Variants in SPIDR observed in about 807,000 individuals in gnomAD.
SPIDR encodes the protein scaffold protein involved in DNA repair.
A neutral mutation model predicts 104.6 loss-of-function variants in SPIDR; 93 were observed. The observed-to-expected ratio is 0.89, with a 90% CI of 0.75 to 1.06. The LOEUF is 1.06. Among genes scored for constraint, SPIDR ranks in the 50% least tolerant of loss-of-function variants. The pLI, the probability that SPIDR is intolerant of heterozygous loss-of-function variation, is 0.00. For synonymous variants in SPIDR, 431 were observed against 416.9 expected (o/e 1.03, Z -0.41); for missense variants, 1,154 against 1,111.2 (o/e 1.04, Z -0.55).
intron 6 of SPIDR, among the ~76,000 whole-genome samples, chr8:47,405,321 T>A (rs1238362157): frequency 6.6e-6 from 1 of 151,586 alleles, no homozygotes; most frequent in Non-Finnish European, 1.5e-5. Flanking sequence ...TGTGTGTGTG[T>A]GTATATATGT....
chr8:47,553,822 G>C (rs2090937769), intron 8 of SPIDR, among the ~76,000 whole-genome samples: 1 of 152,186 alleles, frequency 6.6e-6, no homozygotes, highest in Non-Finnish European at 1.5e-5. Flanking sequence ...GAGGAGAAGA[G>C]GCACTCTGAT....
intron 8 of SPIDR, among the ~76,000 whole-genome samples, chr8:47,489,619 A>G (rs2078317909): frequency 6.6e-6 from 1 of 152,226 alleles, no homozygotes; most frequent in Non-Finnish European, 1.5e-5. Flanking sequence ...AGGCTACAGT[A>G]ACCAAAACAG....
At chr8:47,286,396 G>A (rs1554563282) in intron 3 of SPIDR, among the ~76,000 whole-genome samples, 1,757 of 152,210 alleles carry the variant, frequency 0.012, 20 homozygotes, top group Non-Finnish European at 0.016. Flanking sequence ...AACATAAAGG[G>A]AAAAACAGCA....
At chr8:47,349,200 A>T (rs1260486597) in intron 5 of SPIDR, among the ~76,000 whole-genome samples, 1 of 152,232 alleles carries the variant, frequency 6.6e-6, no homozygotes, top group African/African-American at 2.4e-5. Context: ...TCCTTCTAAC[A>T]GGACCCTCAG....
chr8:47,312,257 A>G (rs1179846630), intron 5 of SPIDR, among the ~76,000 whole-genome samples: 6 of 152,104 alleles, frequency 3.9e-5, no homozygotes, highest in African/African-American at 1.4e-4. Context: ...GCTGGGTCAA[A>G]TGGTATTTCT....
Position 47,575,641 on chromosome 8 carries a change from C to G in SPIDR, c.1098-20170C>G, listed in dbSNP as rs796979030. On this transcript the variant is annotated intron_variant, in intron 8 of 19. Transcript: ENST00000297423. The stretch of plus-strand genomic sequence containing the variant: ...CAGCCTGGGCGACAGAGAGAGACTC[C>G]GTCTCAAAAAAAAAAAAAAAAAGAA... Among the ~76,000 whole-genome samples, 476 of 120,896 alleles carry G rather than the reference C, an allele frequency of 3.9e-3. 1 individual carries two copies. The highest frequency in any genetic ancestry group is 0.02 in the South Asian group (77 of 3,786). 79.3% of individuals were successfully genotyped at this position (120,896 alleles called of 152,430 possible).
chr8:47,538,382 A>G (rs1420494683), intron 8 of SPIDR, among the ~76,000 whole-genome samples: 1 of 151,868 alleles, frequency 6.6e-6, no homozygotes. Context: ...CGTCTCTACT[A>G]AAATACAAAA....
Position 47,414,106 on chromosome 8 carries a change from C to G in SPIDR, c.877+6145C>G, listed in dbSNP as rs556113606. On this transcript the variant is annotated intron_variant, in intron 7 of 19. Coordinates refer to ENST00000297423, the MANE Select transcript of SPIDR (RefSeq NM_001080394.4). The stretch of plus-strand genomic sequence containing the variant: ...GACATAGGTTTGAAGGTTGCAGAGA[C>G]TGTGTAAATTGTGGAACTGTATAGG... Among the ~76,000 whole-genome samples the G allele has an allele frequency of 3.9e-5, 6 of 152,296 alleles. No homozygotes were observed. In the East Asian group the frequency reaches 1.2e-3, roughly 29 times the overall value.
chr8:47,347,886 G>C (rs1445564147), intron 5 of SPIDR, among the ~76,000 whole-genome samples: 1 of 152,036 alleles, frequency 6.6e-6, no homozygotes, highest in Admixed American at 6.6e-5. Flanking sequence ...ACACTGATGG[G>C]TCCTGGCTCT....
chr8:47,288,061 C>T (rs982930340), intron 3 of SPIDR, among the ~76,000 whole-genome samples: 10 of 152,100 alleles, frequency 6.6e-5, no homozygotes, highest in South Asian at 2.1e-4. Context: ...TGTTCCTCTG[C>T]GGTGGCTCCA....
At chr8:47,294,756 G>A (rs1028684259) in intron 5 of SPIDR, among the ~76,000 whole-genome samples, 1 of 152,138 alleles carries the variant, frequency 6.6e-6, no homozygotes, top group Non-Finnish European at 1.5e-5. Context: ...TCAGCCTCCA[G>A]AGTAGCTGGT....
At chr8:47,502,340 G>C (rs1000395881) in intron 8 of SPIDR, among the ~76,000 whole-genome samples, 3 of 152,168 alleles carry the variant, frequency 2.0e-5, no homozygotes, top group African/African-American at 7.2e-5. Flanking sequence ...TCTATTCAGA[G>C]ATTCAACTTC....
intron 8 of SPIDR, among the ~76,000 whole-genome samples, chr8:47,542,999 C>T (rs1369745605): frequency 2.6e-5 from 4 of 152,180 alleles, no homozygotes; most frequent in Non-Finnish European, 5.9e-5. Flanking sequence ...AGATTCATCC[C>T]AGTTGTTGCA....
At chr8:47,404,044 C>T (rs782707602) in intron 6 of SPIDR, among the ~76,000 whole-genome samples, 7 of 152,112 alleles carry the variant, frequency 4.6e-5, no homozygotes, top group Non-Finnish European at 8.8e-5. Context: ...GAAAATAATA[C>T]CACACATCTA....
intron 8 of SPIDR, among the ~76,000 whole-genome samples, chr8:47,539,201 G>A (rs571335916): frequency 2.6e-4 from 39 of 152,196 alleles, no homozygotes; most frequent in African/African-American, 8.7e-4. Context: ...AGATGTGATA[G>A]ATAAAGAGAC....
chr8:47,647,507 C>T (rs955004687), intron 10 of SPIDR, among the ~76,000 whole-genome samples: 3 of 152,030 alleles, frequency 2.0e-5, no homozygotes, highest in African/African-American at 4.8e-5. Context: ...CTCAGCTACT[C>T]AGGAGGCTGA....
chr8:47,629,158 T>TAG (rs2066662313), intron 10 of SPIDR, among the ~76,000 whole-genome samples: 1 of 152,064 alleles, frequency 6.6e-6, no homozygotes, highest in South Asian at 2.1e-4. Flanking sequence ...TAGAATAGGG[T>TAG]AGACAGTATT....
At chr8:47,590,897 T>A (rs905102819) in intron 8 of SPIDR, among the ~76,000 whole-genome samples, 3 of 152,216 alleles carry the variant, frequency 2.0e-5, no homozygotes, top group Non-Finnish European at 4.4e-5. Context: ...TTATGTAATG[T>A]GCCTTTCTAT....
At chr8:47,261,979 C>T (rs1052442035) in intron 1 of SPIDR, among the ~76,000 whole-genome samples, 1 of 152,220 alleles carries the variant, frequency 6.6e-6, no homozygotes, top group African/African-American at 2.4e-5. Context: ...ACATTCACCA[C>T]CTGCTTTTAT....
Sources: gnomAD v4.1 joint callset for allele counts (sites outside exome capture counted in the v4.1 genomes callset) on GRCh38, gnomAD v4.1.1 for gene constraint, MANE v1.5 for transcripts, NCBI Gene and HGNC (gene_info 2026-07-23, HGNC 2026-07-21) for gene names.